Variants in COL6A6 observed in about 807,000 individuals in gnomAD.
COL6A6 encodes collagen type VI alpha 6 chain.
A neutral mutation model predicts 208.6 loss-of-function variants in COL6A6; 183 were observed. The observed-to-expected ratio is 0.88, with a 90% CI of 0.78 to 0.99. The LOEUF (loss-of-function observed/expected upper bound fraction) is 0.99. Among genes scored for constraint, COL6A6 ranks in the 50% least tolerant of loss-of-function variants. The pLI is 0.00. For synonymous variants in COL6A6, 973 were observed against 1,011.8 expected (o/e 0.96, Z 0.73); for missense variants, 2,816 against 2,815.2 (o/e 1.00, Z -0.01).
intron 1 of COL6A6, among the ~76,000 whole-genome samples, chr3:130,555,346 C>T (rs950464818): frequency 3.9e-5 from 6 of 152,158 alleles, no homozygotes; most frequent in African/African-American, 7.2e-5. Context: ...TAGTCCCATG[C>T]GTGGTTCCCA....
intron 35 of COL6A6, among the ~76,000 whole-genome samples, chr3:130,664,022 A>G (rs1391099699): frequency 6.6e-6 from 1 of 152,212 alleles, no homozygotes; most frequent in African/African-American, 2.4e-5. Context: ...TGAGCCACTC[A>G]CTGTTCTGAT....
chr3:130,592,583 A>C lies in COL6A6; in HGVS notation c.4315A>C (p.Lys1439Gln). The C allele has an allele frequency of 6.2e-7, 1 of 1,612,782 alleles. No homozygotes were observed. The highest frequency in any genetic ancestry group is 8.5e-7 in the Non-Finnish European group (1 of 1,179,150). Residue 1439 changes from lysine (K) to glutamine (Q), a missense_variant, in exon 14 of 37, where the codon AAG becomes CAG. Physicochemically the swap from Lys to Gln is moderately conservative, Grantham distance 53. Transcript: ENST00000358511. ...TGGACCAGTGGGAGAGCAAGGTACTAAGGGATGCTATGGCACCAAAGGTCC... is the reference window on the plus strand; with the variant it reads ...TGGACCAGTGGGAGAGCAAGGTACTCAGGGATGCTATGGCACCAAAGGTCC... ...APGPVGEQGTKGCYGTKGPKG... is the reference protein window; with the variant it reads ...APGPVGEQGTQGCYGTKGPKG...
At chr3:130,667,094 G>T (rs1261912462) in intron 36 of COL6A6, among the ~76,000 whole-genome samples, 1 of 152,030 alleles carries the variant, frequency 6.6e-6, no homozygotes, top group East Asian at 1.9e-4. Flanking sequence ...TTAAACAATA[G>T]TTTACTACAA....
At chr3:130,643,168 G>A in intron 31 of COL6A6, 145 bp downstream of exon 31, 1 of 818,350 alleles carries the variant, frequency 1.2e-6, no homozygotes, top group East Asian at 2.7e-5. Flanking sequence ...AGCATAGACT[G>A]GTGACTTTTA....
chr3:130,551,408 G>A (rs368254766), intron 1 of COL6A6, among the ~76,000 whole-genome samples: 2 of 152,210 alleles, frequency 1.3e-5, no homozygotes, highest in East Asian at 3.9e-4. Flanking sequence ...GATTGTATGT[G>A]TCCAGGATTT....
At chr3:130,672,419 T>G (rs1036471931) in intron 36 of COL6A6, among the ~76,000 whole-genome samples, 11 of 148,678 alleles carry the variant, frequency 7.4e-5, no homozygotes, top group African/African-American at 2.6e-4. Context: ...TTTTTTTTTT[T>G]GGAGATGGAG....
intron 1 of COL6A6, among the ~76,000 whole-genome samples, chr3:130,554,301 TG>T (rs1445882871): frequency 6.6e-6 from 1 of 152,200 alleles, no homozygotes; most frequent in African/African-American, 2.4e-5. Flanking sequence ...CTGGCATTCA[TG>T]TGTGCTTTCA....
At position 130,641,632 on chromosome 3, in the gene COL6A6, A is replaced by G. The variant is rs1441290119; in HGVS notation, c.5092-20A>G. 3 of 1,440,622 alleles carry G rather than the reference A, an allele frequency of 2.1e-6. No homozygotes were observed. Among genetic ancestry groups the G allele is most frequent in the Non-Finnish European group, 1.9e-6 (2 of 1,039,900 alleles). The allele number at this position is 1,440,622 out of a possible 1,614,324, so 89.2% of individuals were successfully genotyped here. The stretch of plus-strand genomic sequence containing the variant: ...TACATATATGTATAAATACAATTTT[A>G]AAATAAATTCTCCTTTGAGATATCT... On this transcript the variant is annotated intron_variant, in intron 28 of 36. Transcript: ENST00000358511.
intron 1 of COL6A6, among the ~76,000 whole-genome samples, chr3:130,553,782 T>C (rs1177631730): frequency 1.3e-5 from 2 of 152,226 alleles, no homozygotes; most frequent in Non-Finnish European, 2.9e-5. Context: ...CTTTATGGGC[T>C]GATGTTCTTT....
rs541266250 is a variant in COL6A6 at position 130,526,814 on chromosome 3, A to T, written c.-32+9417A>T. Reference sequence around the variant, plus strand: ...CAAAGGACTATATGCTCCATGAGATAAAAAAAAAAAGTCTGTTTTTACTTT... The same window carrying T: ...CAAAGGACTATATGCTCCATGAGATTAAAAAAAAAAGTCTGTTTTTACTTT... On this transcript the variant is annotated intron_variant, in intron 1 of 36. Coordinates refer to ENST00000358511, the MANE Select transcript of COL6A6 (RefSeq NM_001102608.3). Among the ~76,000 whole-genome samples, 16 of 107,848 alleles carry T rather than the reference A, an allele frequency of 1.5e-4. No homozygotes were observed. In the South Asian group the frequency reaches 3.6e-3, roughly 24 times the overall value. 70.8% of individuals were successfully genotyped at this position (107,848 alleles called of 152,430 possible). A position where few individuals can be genotyped will look rare whatever the true frequency, so the allele number is the denominator to read the frequency against.
At chr3:130,616,375 G>A (rs1442705823) in intron 23 of COL6A6, among the ~76,000 whole-genome samples, 1 of 152,024 alleles carries the variant, frequency 6.6e-6, no homozygotes, top group African/African-American at 2.4e-5. Flanking sequence ...CTGGCATTCT[G>A]TATAAATCAA....
rs2066369484 is a variant in COL6A6, at chr3:130,676,807, A to G, written c.*1410A>G. ...CACATTCATACTCAGGTAATAGAGA[A>G]GAATAAAACACATCAGGTTTGCTTC... On this transcript the variant is annotated 3_prime_UTR_variant, in exon 37 of 37. Transcript: ENST00000358511. 1 of 152,246 alleles carries G rather than the reference A, an allele frequency of 6.6e-6. No homozygotes were observed. Among genetic ancestry groups the G allele is most frequent in the Non-Finnish European group, 1.5e-5 (1 of 68,030 alleles). The allele number at this position is 152,246 out of a possible 1,614,324, so 9.4% of individuals were successfully genotyped here.
At chr3:130,607,152 T>C (rs1044275261) in intron 21 of COL6A6, among the ~76,000 whole-genome samples, 186 bp downstream of exon 21, 7 of 152,300 alleles carry the variant, frequency 4.6e-5, no homozygotes, top group African/African-American at 1.4e-4. Flanking sequence ...GGAACTTTGG[T>C]CAAAAACCAT....
In COL6A6 at chr3:130,627,326, A is replaced by G; in HGVS notation, c.4949A>G (p.Asp1650Gly). 6.2e-7 allele frequency: 1 copy of G among 1,613,656 alleles called. No individual in the cohort carries two copies. ...FPGPRGLQGN[D>G]GSPGYGSVGR... ...CAATTGCTCTGTTTACAGGGCAATG[A>G]TGGCAGTCCAGGTTATGGTAGTGTC... The change falls in exon 26 of 37, where the codon GAT becomes GGT. Residue 1650 changes from aspartate to glycine, a missense_variant. By Grantham distance (94) the Asp-to-Gly change is moderately conservative. Transcript: ENST00000358511.
chr3:130,573,364 C>T (rs1352512357), intron 7 of COL6A6, among the ~76,000 whole-genome samples: 1 of 152,142 alleles, frequency 6.6e-6, no homozygotes, highest in South Asian at 2.1e-4. Flanking sequence ...GGCCCCAGTT[C>T]TCTGGCATCT....
intron 14 of COL6A6, 23 bp from the exon 15 acceptor site, chr3:130,592,673 T>C (rs1365727497): frequency 6.2e-7 from 1 of 1,612,786 alleles, no homozygotes; most frequent in Non-Finnish European, 8.5e-7. Flanking sequence ...CTACACTAAC[T>C]ATAACTGTCC....
chr3:130,619,899 T>C (rs1487908114), intron 23 of COL6A6, among the ~76,000 whole-genome samples: 1 of 152,166 alleles, frequency 6.6e-6, no homozygotes. Flanking sequence ...ATGATTGTTT[T>C]GAGAATCCAT....
intron 10 of COL6A6, among the ~76,000 whole-genome samples, chr3:130,586,255 A>G (rs2063538707): frequency 6.6e-6 from 1 of 152,210 alleles, no homozygotes; most frequent in South Asian, 2.1e-4. Flanking sequence ...CCTTCAAATC[A>G]AGGAACTGGA....
Position 130,592,592 on chromosome 3 carries a change from T to A in COL6A6, c.4324T>A (p.Tyr1442Asn). 6.2e-7 allele frequency: 1 copy of A among 1,613,318 alleles called. No homozygotes were observed. Among genetic ancestry groups the A allele is most frequent in the Middle Eastern group, 1.6e-4 (1 of 6,062 alleles). The change falls in exon 14 of 37, where the codon TAT becomes AAT. Residue 1442 changes from tyrosine to asparagine, a missense_variant. By Grantham distance (143) the Tyr-to-Asn change is moderately radical (BLOSUM62 -2). Transcript: ENST00000358511. ...PVGEQGTKGC[Y>N]GTKGPKGNRG... is the part of the protein sequence containing the mutation. Reference sequence around the variant, plus strand: ...GGGAGAGCAAGGTACTAAGGGATGCTATGGCACCAAAGGTCCTAAGGTAAG... The same window carrying A: ...GGGAGAGCAAGGTACTAAGGGATGCAATGGCACCAAAGGTCCTAAGGTAAG...
Sources: gnomAD v4.1 joint callset for allele counts (sites outside exome capture counted in the v4.1 genomes callset) on GRCh38, gnomAD v4.1.1 for gene constraint, MANE v1.5 for transcripts, NCBI Gene and HGNC (gene_info 2026-07-23, HGNC 2026-07-21) for gene names.